The following SYNPR variants were observed in gnomAD, a reference collection of about 807,000 sequenced individuals.
SYNPR encodes the protein synaptoporin.
A neutral mutation model predicts 32.9 loss-of-function variants in SYNPR; 23 were observed. The observed-to-expected ratio is 0.70, with a 90% CI of 0.50 to 0.99. The LOEUF (loss-of-function observed/expected upper bound fraction) is 0.99. Among genes scored for constraint, SYNPR ranks in the 50% least tolerant of loss-of-function variants. SYNPR has a pLI of 0.00. For synonymous variants in SYNPR, 146 were observed against 135.9 expected, an observed-to-expected ratio of 1.07 and a Z score of -0.52; for missense variants, 318 against 349.3, an observed-to-expected ratio of 0.91 and a Z score of 0.71.
At chr3:63,525,023 C>T (rs904738794) in intron 3 of SYNPR, among the ~76,000 whole-genome samples, 2 of 151,764 alleles carry the variant, frequency 1.3e-5, no homozygotes, top group African/African-American at 2.4e-5. Context: ...TCTATGTGAC[C>T]ATAGCTAGAT....
intron 5 of SYNPR, among the ~76,000 whole-genome samples, chr3:63,614,337 GAC>G (rs1700247303): frequency 6.6e-6 from 1 of 152,200 alleles, no homozygotes; most frequent in Non-Finnish European, 1.5e-5. Flanking sequence ...ATGGAATGAG[GAC>G]TTCTGTTCGG....
intron 2 of SYNPR, among the ~76,000 whole-genome samples, chr3:63,393,539 C>T (rs556941044): frequency 2.2e-4 from 27 of 121,726 alleles, no homozygotes; most frequent in Non-Finnish European, 4.1e-4. Flanking sequence ...GCTCTGTCAC[C>T]ATGGCTGGAG....
rs553243420 is a variant in SYNPR, at chr3:63,331,259, C to T, written c.84+52517C>T. Among the ~76,000 whole-genome samples the T allele has an allele frequency of 7.2e-5, 11 of 152,252 alleles. No homozygotes were observed. In the South Asian group the frequency reaches 1.7e-3, roughly 23 times the overall value. On this transcript the variant is annotated intron_variant, in intron 2 of 5. Transcript: ENST00000478300. Reference sequence around the variant, plus strand: ...TACAGGTGAAAATGAAACCTATTGCCGTTCTAGGATTAAAGGATCTCTCAA... The same window carrying T: ...TACAGGTGAAAATGAAACCTATTGCTGTTCTAGGATTAAAGGATCTCTCAA...
At chr3:63,242,316 C>G (rs922580344) in intron 1 of SYNPR, among the ~76,000 whole-genome samples, 3 of 151,914 alleles carry the variant, frequency 2.0e-5, no homozygotes, top group Non-Finnish European at 2.9e-5. Flanking sequence ...GAGAGGGTAC[C>G]CCAGGACACA....
At chr3:63,386,760 G>A (rs1472770276) in intron 2 of SYNPR, among the ~76,000 whole-genome samples, 1 of 152,140 alleles carries the variant, frequency 6.6e-6, no homozygotes, top group Non-Finnish European at 1.5e-5. Flanking sequence ...GGGTCAGCCT[G>A]GTGGGAGCCA....
chr3:63,383,495 T>C (rs1181700737), intron 2 of SYNPR, among the ~76,000 whole-genome samples: 13 of 152,038 alleles, frequency 8.6e-5, no homozygotes, highest in Non-Finnish European at 1.5e-5. Flanking sequence ...GGTGGGCAGA[T>C]TGCCTGAGCT....
chr3:63,424,679 T>C (rs1414905947), intron 2 of SYNPR, among the ~76,000 whole-genome samples: 1 of 152,218 alleles, frequency 6.6e-6, no homozygotes, highest in Non-Finnish European at 1.5e-5. Context: ...ATCACTCTGT[T>C]AGCACACACC....
intron 2 of SYNPR, among the ~76,000 whole-genome samples, chr3:63,433,307 C>T (rs1017123277): frequency 1.3e-5 from 2 of 152,208 alleles, no homozygotes; most frequent in African/African-American, 4.8e-5. Context: ...GTTCTTCAGA[C>T]TGACTCTCTT....
chr3:63,518,744 G>A (rs1271669558), intron 3 of SYNPR, among the ~76,000 whole-genome samples: 2 of 152,070 alleles, frequency 1.3e-5, no homozygotes, highest in African/African-American at 2.4e-5. Context: ...ACACCCTTCT[G>A]GAGAAGGAAT....
At chr3:63,391,677 G>C (rs764768305) in intron 2 of SYNPR, among the ~76,000 whole-genome samples, 9 of 152,162 alleles carry the variant, frequency 5.9e-5, no homozygotes, top group Non-Finnish European at 1.2e-4. Flanking sequence ...AAGATTGGCA[G>C]AATTATTACC....
intron 3 of SYNPR, among the ~76,000 whole-genome samples, chr3:63,524,800 G>A (rs151306937): frequency 9.4e-4 from 143 of 151,402 alleles, no homozygotes; most frequent in African/African-American, 3.4e-3. Flanking sequence ...TCCAAGTATG[G>A]AGTTCAAAAT....
intron 1 of SYNPR, among the ~76,000 whole-genome samples, chr3:63,232,805 T>A (rs2086175966): frequency 6.6e-6 from 1 of 152,206 alleles, no homozygotes. Flanking sequence ...AGAAATATTT[T>A]AATTTGATAT....
chr3:63,267,245 A>G (rs1027469649), intron 2 of SYNPR: 1 of 152,194 alleles, frequency 6.6e-6, no homozygotes, highest in Non-Finnish European at 1.5e-5. Flanking sequence ...TTTGTTGGGG[A>G]AAAGGATACA....
At chr3:63,429,177 A>G (rs1699942347) in intron 2 of SYNPR, among the ~76,000 whole-genome samples, 3 of 152,228 alleles carry the variant, frequency 2.0e-5, no homozygotes, top group Non-Finnish European at 2.9e-5. Flanking sequence ...GTTTGAGAGC[A>G]AAAAACAGTA....
At chr3:63,244,396 G>A (rs1476502513) in intron 1 of SYNPR, among the ~76,000 whole-genome samples, 1 of 152,090 alleles carries the variant, frequency 6.6e-6, no homozygotes, top group Non-Finnish European at 1.5e-5. Flanking sequence ...GTTAGAGAAG[G>A]ACAGAGAATG....
intron 1 of SYNPR, among the ~76,000 whole-genome samples, chr3:63,239,026 T>G (rs2086218685): frequency 6.6e-6 from 1 of 152,158 alleles, no homozygotes; most frequent in Non-Finnish European, 1.5e-5. Flanking sequence ...AATATTATTT[T>G]GGATAATGAA....
At chr3:63,429,476 G>A (rs534772849) in intron 2 of SYNPR, among the ~76,000 whole-genome samples, 2 of 152,278 alleles carry the variant, frequency 1.3e-5, no homozygotes, top group South Asian at 2.1e-4. Flanking sequence ...CAACATTTTA[G>A]CCATCTTTGG....
At chr3:63,404,663 T>C (rs1468147527) in intron 2 of SYNPR, among the ~76,000 whole-genome samples, 2 of 152,158 alleles carry the variant, frequency 1.3e-5, no homozygotes, top group South Asian at 2.1e-4. Context: ...ATCATTCTAC[T>C]TTATAAGATA....
chr3:63,449,712 C>T (rs1219924284), intron 2 of SYNPR, among the ~76,000 whole-genome samples: 3 of 152,194 alleles, frequency 2.0e-5, no homozygotes, highest in East Asian at 3.9e-4. Flanking sequence ...CCCGAATATA[C>T]TAGTGCCATT....
Sources: gnomAD v4.1 joint callset for allele counts (sites outside exome capture counted in the v4.1 genomes callset) on GRCh38, gnomAD v4.1.1 for gene constraint, MANE v1.5 for transcripts, NCBI Gene and HGNC (gene_info 2026-07-23, HGNC 2026-07-21) for gene names.